CA10: variants seen among roughly 807,000 people sequenced by gnomAD.
CA10 encodes the protein carbonic anhydrase-related protein 10.
A neutral mutation model predicts 44.2 loss-of-function variants in CA10; 14 were observed. The observed-to-expected ratio is 0.32, with a 90% CI of 0.21 to 0.50. The LOEUF is 0.50. Among genes scored for constraint, CA10 ranks in the 20% least tolerant of loss-of-function variants. The pLI is 0.99. For synonymous variants in CA10, 159 were observed against 141.6 expected (o/e 1.12, Z -0.87); for missense variants, 350 against 409.7 (o/e 0.85, Z 1.26).
intron 3 of CA10, among the ~76,000 whole-genome samples, chr17:51,761,084 T>A (rs919553021): frequency 1.3e-5 from 2 of 152,162 alleles, no homozygotes; most frequent in Admixed American, 1.3e-4. Flanking sequence ...CCCTCCCTTA[T>A]GCGAACACAG....
At chr17:51,946,974 G>A (rs533124838) in intron 2 of CA10, among the ~76,000 whole-genome samples, 25 of 151,718 alleles carry the variant, frequency 1.6e-4, no homozygotes, top group Admixed American at 3.3e-4. Context: ...TCATATATTC[G>A]CACATTTCTG....
intron 2 of CA10, among the ~76,000 whole-genome samples, chr17:51,982,359 T>C (rs1181440827): frequency 6.6e-6 from 1 of 151,934 alleles, no homozygotes; most frequent in Admixed American, 6.6e-5. Context: ...CTTGGTTGAC[T>C]TAAATTGTGC....
intron 1 of CA10, among the ~76,000 whole-genome samples, chr17:52,124,292 G>A (rs1396841296): frequency 2.0e-5 from 3 of 152,138 alleles, no homozygotes; most frequent in Non-Finnish European, 1.5e-5. Context: ...AGAAGGCAAT[G>A]CAAAACTTAT....
At chr17:51,686,821 A>G (rs1390232052) in intron 4 of CA10, among the ~76,000 whole-genome samples, 1 of 152,078 alleles carries the variant, frequency 6.6e-6, no homozygotes, top group Non-Finnish European at 1.5e-5. Flanking sequence ...TCAAGCCCCA[A>G]AAGTAAGCTT....
intron 4 of CA10, among the ~76,000 whole-genome samples, chr17:51,739,030 T>C (rs1904355522): frequency 6.6e-6 from 1 of 152,134 alleles, no homozygotes; most frequent in Non-Finnish European, 1.5e-5. Context: ...CCTCTGACAC[T>C]GTCACTTTAG....
chr17:51,850,630 G>T (rs1344670521), intron 3 of CA10, among the ~76,000 whole-genome samples: 1 of 152,196 alleles, frequency 6.6e-6, no homozygotes, highest in Non-Finnish European at 1.5e-5. Context: ...GCAAGCGTTT[G>T]AGTTACATGT....
At position 51,631,239 on chromosome 17, in the gene CA10, A is replaced by G. The variant is rs973480860; in HGVS notation, c.*345T>C. 2 of 242,090 alleles carry G rather than the reference A, an allele frequency of 8.3e-6. No individual in the cohort carries two copies. The highest frequency in any genetic ancestry group is 4.5e-5 in the African/African-American group (2 of 44,016). The allele number at this position is 242,090 out of a possible 1,614,324, so 15.0% of individuals were successfully genotyped here. A position where few individuals can be genotyped will look rare whatever the true frequency, so the allele number is the denominator to read the frequency against. Reference sequence around the variant, plus strand: ...GGAAAACGGTATCAAAATTGAAATCAGGTTAACTGGTTATTTTCTTCTAAG... The same window carrying G: ...GGAAAACGGTATCAAAATTGAAATCGGGTTAACTGGTTATTTTCTTCTAAG... On this transcript the variant is annotated 3_prime_UTR_variant, in exon 9 of 9. Transcript: ENST00000451037.
intron 4 of CA10, 132 bp from the exon 5 acceptor site, chr17:51,653,868 AG>A: frequency 1.5e-6 from 1 of 650,120 alleles, no homozygotes. Flanking sequence ...TTTTAATTGA[AG>A]GGATTTCAGA....
chr17:51,839,999 G>T (rs977809909), intron 3 of CA10, among the ~76,000 whole-genome samples: 1 of 152,092 alleles, frequency 6.6e-6, no homozygotes. Flanking sequence ...ATAAAAACTC[G>T]GGCTCATGTG....
intron 4 of CA10, among the ~76,000 whole-genome samples, chr17:51,698,469 TACA>T (rs1274757922): frequency 6.6e-6 from 1 of 152,258 alleles, no homozygotes; most frequent in Non-Finnish European, 1.5e-5. Context: ...ATTTAAGGTA[TACA>T]GAATGACTTT....
At chr17:51,664,159 T>G (rs1456964957) in intron 4 of CA10, among the ~76,000 whole-genome samples, 4 of 152,206 alleles carry the variant, frequency 2.6e-5, no homozygotes, top group African/African-American at 7.2e-5. Context: ...TTTAATGTTA[T>G]GTAGTTCATT....
chr17:51,870,288 T>C (rs886316909), intron 3 of CA10, among the ~76,000 whole-genome samples: 5 of 152,248 alleles, frequency 3.3e-5, no homozygotes, highest in African/African-American at 1.2e-4. Context: ...CATAGCTTTA[T>C]AGGGCATGCT....
chr17:51,967,951 C>A (rs1984142637), intron 2 of CA10, among the ~76,000 whole-genome samples: 2 of 151,720 alleles, frequency 1.3e-5, no homozygotes, highest in African/African-American at 4.8e-5. Context: ...CTGTGTGTTA[C>A]CCTATATTGA....
At chr17:51,640,261 T>C (rs1913025629) in intron 6 of CA10, among the ~76,000 whole-genome samples, 1 of 152,144 alleles carries the variant, frequency 6.6e-6, no homozygotes, top group Non-Finnish European at 1.5e-5. Context: ...GCTGGCAGTG[T>C]TGGGCAAAAG....
chr17:52,014,328 C>T (rs1469562458), intron 2 of CA10, among the ~76,000 whole-genome samples: 1 of 151,824 alleles, frequency 6.6e-6, no homozygotes, highest in African/African-American at 2.4e-5. Flanking sequence ...GAATCACATG[C>T]ATTATGTGCA....
chr17:51,766,100 G>T (rs1299962450), intron 3 of CA10, among the ~76,000 whole-genome samples: 4 of 152,134 alleles, frequency 2.6e-5, no homozygotes, highest in African/African-American at 9.7e-5. Context: ...TGCCTACGAG[G>T]TATGAGAAAA....
intron 2 of CA10, among the ~76,000 whole-genome samples, chr17:51,994,479 C>T (rs951397798): frequency 6.6e-5 from 10 of 151,942 alleles, no homozygotes; most frequent in Non-Finnish European, 1.5e-4. Flanking sequence ...TGAAGGTTTG[C>T]AGAAGTCCTG....
chr17:51,932,880 A>G (rs748816819), intron 2 of CA10, among the ~76,000 whole-genome samples: 2 of 139,816 alleles, frequency 1.4e-5, no homozygotes, highest in African/African-American at 2.7e-5. Flanking sequence ...TATTATAAAT[A>G]TAAACTTGTC....
intron 3 of CA10, among the ~76,000 whole-genome samples, chr17:51,774,256 A>G (rs1905722469): frequency 6.6e-6 from 1 of 152,216 alleles, no homozygotes; most frequent in Non-Finnish European, 1.5e-5. Context: ...TCAGAATGTA[A>G]GCACCAAACT....
Sources: allele counts gnomAD v4.1 joint callset (sites outside exome capture counted in the v4.1 genomes callset), GRCh38; gene constraint gnomAD v4.1.1; transcripts MANE v1.5; gene names NCBI Gene and HGNC (gene_info 2026-07-23, HGNC 2026-07-21).